The following GPC6 variants were observed in gnomAD, a reference collection of about 807,000 sequenced individuals.
GPC6 encodes glypican 6.
A neutral mutation model predicts 55.2 loss-of-function variants in GPC6; 14 were observed. That is an observed-to-expected ratio of 0.25 (90% confidence interval 0.17 to 0.40). GPC6 has a LOEUF of 0.40. Among genes scored for constraint, GPC6 ranks in the 10% least tolerant of loss-of-function variants. The pLI, the probability that GPC6 is intolerant of heterozygous loss-of-function variation, is 1.00. For missense variants in GPC6, 641 were observed against 708.5 expected, an observed-to-expected ratio of 0.90 and a Z score of 1.08; for synonymous variants, 278 against 259.6, an observed-to-expected ratio of 1.07 and a Z score of -0.68.
At chr13:93,352,050 C>T (rs1168896761) in intron 1 of GPC6, among the ~76,000 whole-genome samples, 1 of 151,976 alleles carries the variant, frequency 6.6e-6, no homozygotes, top group African/African-American at 2.4e-5. Flanking sequence ...TGACAACCCA[C>T]TAAATGGTGG....
intron 2 of GPC6, among the ~76,000 whole-genome samples, chr13:93,604,559 G>C (rs938137891): frequency 1.7e-4 from 26 of 151,954 alleles, no homozygotes; most frequent in African/African-American, 6.3e-4. Context: ...ATACAGTGAG[G>C]TACCTTTTTT....
chr13:94,189,787 C>A (rs535137213), intron 4 of GPC6, among the ~76,000 whole-genome samples: 7 of 152,038 alleles, frequency 4.6e-5, no homozygotes, highest in African/African-American at 1.4e-4. Flanking sequence ...TTTGGGAGAC[C>A]GACGCGGGCA....
intron 3 of GPC6, among the ~76,000 whole-genome samples, chr13:94,001,828 T>C (rs901182768): frequency 1.3e-5 from 2 of 152,168 alleles, no homozygotes; most frequent in Admixed American, 1.3e-4. Context: ...TCAAGACTAT[T>C]GCAATGGGAG....
intron 2 of GPC6, among the ~76,000 whole-genome samples, chr13:93,776,339 A>G (rs1267195273): frequency 6.6e-6 from 1 of 152,198 alleles, no homozygotes; most frequent in Non-Finnish European, 1.5e-5. Flanking sequence ...GACACTAAGA[A>G]CATCCTCATC....
At chr13:93,775,192 A>G (rs1566528715) in intron 2 of GPC6, among the ~76,000 whole-genome samples, 1 of 152,226 alleles carries the variant, frequency 6.6e-6, no homozygotes, top group East Asian at 1.9e-4. Flanking sequence ...GCTTCAAGAG[A>G]CAGAGTCTTG....
intron 2 of GPC6, among the ~76,000 whole-genome samples, chr13:93,611,608 A>C (rs1275556133): frequency 6.6e-6 from 1 of 152,164 alleles, no homozygotes. Context: ...GGATAGATCC[A>C]TGTTGATATT....
intron 3 of GPC6, among the ~76,000 whole-genome samples, chr13:93,949,672 C>A (rs1171499136): frequency 1.3e-5 from 2 of 152,032 alleles, no homozygotes; most frequent in Non-Finnish European, 2.9e-5. Context: ...ATGGAGGTTA[C>A]CAGGTGGAGG....
At chr13:93,257,300 T>TA (rs34528129) in intron 1 of GPC6, among the ~76,000 whole-genome samples, 24,943 of 150,782 alleles carry the variant, frequency 0.17, 2,271 homozygotes, top group Middle Eastern at 0.26. Flanking sequence ...AGATCCTGTC[T>TA]AAAAAAAAAA....
At chr13:94,076,492 T>A (rs139709637) in intron 4 of GPC6, among the ~76,000 whole-genome samples, 1 of 152,090 alleles carries the variant, frequency 6.6e-6, no homozygotes, top group East Asian at 1.9e-4. Flanking sequence ...TTTGATGTAG[T>A]TCCACTCCAT....
At chr13:93,524,903 C>T (rs1182949332) in intron 1 of GPC6, among the ~76,000 whole-genome samples, 1 of 152,052 alleles carries the variant, frequency 6.6e-6, no homozygotes, top group Admixed American at 6.6e-5. Flanking sequence ...AATAATTCTG[C>T]AGAGGGCGAT....
chr13:93,830,419 C>T lies in GPC6; in HGVS notation c.585C>T (p.Asp195=), dbSNP rs369467067. The T allele has an allele frequency of 1.5e-5, 25 of 1,613,742 alleles. No homozygotes were observed. The highest frequency in any genetic ancestry group is 2.0e-5 in the Non-Finnish European group (24 of 1,179,924). The change falls in exon 3 of 9, where the codon GAC becomes GAT. Residue 195 remains aspartate (D), a synonymous_variant. Coordinates refer to ENST00000377047, the MANE Select transcript of GPC6 (RefSeq NM_005708.5). ...TGGAATGTGTGAGCAAATACACTGA[C>T]CAGCTCAAGCCATTTGGAGACGTGC... The part of the protein sequence containing the change: ...DYLECVSKYT[D]QLKPFGDVPR...
intron 4 of GPC6, among the ~76,000 whole-genome samples, chr13:94,194,605 A>G (rs7332659): frequency 0.27 from 41,501 of 151,960 alleles, 6,417 homozygotes; most frequent in East Asian, 0.5. Context: ...TCGGAGGGAA[A>G]GGGTGGGAAG....
At chr13:94,181,566 C>T (rs1176288276) in intron 4 of GPC6, among the ~76,000 whole-genome samples, 2 of 152,048 alleles carry the variant, frequency 1.3e-5, no homozygotes, top group Non-Finnish European at 2.9e-5. Context: ...ACAGTCAGGC[C>T]CCAACAATTT....
intron 1 of GPC6, among the ~76,000 whole-genome samples, chr13:93,515,306 G>A (rs1432076260): frequency 6.6e-6 from 1 of 152,142 alleles, no homozygotes; most frequent in Admixed American, 6.6e-5. Context: ...CCCAGCCTAT[G>A]ATCTTCTTGT....
chr13:94,273,412 G>A (rs1227932845), intron 4 of GPC6, among the ~76,000 whole-genome samples: 4 of 152,146 alleles, frequency 2.6e-5, no homozygotes, highest in Non-Finnish European at 5.9e-5. Flanking sequence ...GGGTAATTCA[G>A]GATCACAGTG....
At chr13:94,347,962 A>G (rs1878369850) in intron 6 of GPC6, among the ~76,000 whole-genome samples, 1 of 152,208 alleles carries the variant, frequency 6.6e-6, no homozygotes, top group African/African-American at 2.4e-5. Flanking sequence ...GACAGCATCT[A>G]TCTCCCGTCA....
intron 4 of GPC6, among the ~76,000 whole-genome samples, chr13:94,152,358 G>T (rs637086): frequency 1.3e-5 from 2 of 151,906 alleles, no homozygotes; most frequent in Non-Finnish European, 2.9e-5. Context: ...TCATTGCTTG[G>T]GTGATCTTGG....
chr13:93,315,275 T>A (rs937099012), intron 1 of GPC6, among the ~76,000 whole-genome samples: 2 of 152,086 alleles, frequency 1.3e-5, no homozygotes, highest in Non-Finnish European at 2.9e-5. Context: ...GAAGATTGTA[T>A]TTCTTTTTCT....
At chr13:93,688,564 C>T (rs1034134049) in intron 2 of GPC6, among the ~76,000 whole-genome samples, 1 of 151,990 alleles carries the variant, frequency 6.6e-6, no homozygotes, top group African/African-American at 2.4e-5. Flanking sequence ...GCACTATATA[C>T]ACACAGAGAA....
Sources: allele counts gnomAD v4.1 joint callset (sites outside exome capture counted in the v4.1 genomes callset), GRCh38; gene constraint gnomAD v4.1.1; transcripts MANE v1.5; gene names NCBI Gene and HGNC (gene_info 2026-07-23, HGNC 2026-07-21).